CADM2: variants seen among roughly 807,000 people sequenced by gnomAD.
The protein encoded by CADM2 is cell adhesion molecule 2.
A neutral mutation model predicts 49.8 loss-of-function variants in CADM2; 12 were observed. The ratio of observed to expected loss-of-function variants is 0.24; its 90% CI spans 0.15 to 0.39. The LOEUF (loss-of-function observed/expected upper bound fraction) is 0.39, where lower values mean the gene tolerates loss of function less well. Among genes scored for constraint, CADM2 ranks in the 10% least tolerant of loss-of-function variants. The pLI, the probability that CADM2 is intolerant of heterozygous loss-of-function variation, is 1.00. For missense variants in CADM2, 378 were observed against 492.3 expected, an observed-to-expected ratio of 0.77 and a Z score of 2.20; for synonymous variants, 214 against 175.4, an observed-to-expected ratio of 1.22 and a Z score of -1.74.
intron 1 of CADM2, among the ~76,000 whole-genome samples, chr3:85,237,377 T>A (rs891026341): frequency 3.3e-5 from 5 of 152,034 alleles, no homozygotes; most frequent in African/African-American, 1.2e-4. Context: ...AAAAAATACC[T>A]AATTTAATCA....
intron 1 of CADM2, among the ~76,000 whole-genome samples, chr3:85,231,303 C>T (rs569516243): frequency 2.4e-4 from 36 of 152,082 alleles, no homozygotes; most frequent in Admixed American, 2.0e-3. Flanking sequence ...GAGGATGAAG[C>T]TTTGTAGTGA....
At chr3:85,888,696 G>A (rs1683147817) in intron 5 of CADM2, among the ~76,000 whole-genome samples, 2 of 152,118 alleles carry the variant, frequency 1.3e-5, no homozygotes, top group East Asian at 3.9e-4. Context: ...AACTTTCTGA[G>A]TGGCATATAT....
At chr3:85,539,397 G>T (rs62252517) in intron 1 of CADM2, among the ~76,000 whole-genome samples, 12,469 of 152,042 alleles carry the variant, frequency 0.082, 694 homozygotes, top group South Asian at 0.17. Flanking sequence ...CGAAGCATTT[G>T]AAGTTTTCAG....
In CADM2 at chr3:85,541,775, T is replaced by TATATATA. The variant is rs1559897737; in HGVS notation, c.62-184747_62-184746insATATATA. 9.1e-5 allele frequency among the ~76,000 whole-genome samples: 8 copies of TATATATA among 88,308 alleles called. 1 individual carries two copies. In the South Asian group the frequency reaches 1.1e-3, roughly 12 times the overall value. The allele number at this position is 88,308 out of a possible 152,430, so 57.9% of individuals were successfully genotyped here. A position where few individuals can be genotyped will look rare whatever the true frequency, so the allele number is the denominator to read the frequency against. On this transcript the variant is annotated intron_variant, in intron 1 of 9. Transcript: ENST00000383699. The stretch of plus-strand genomic sequence containing the variant: ...ATATTTTATATATATATTTTATATT[T>TATATATA]TATATATATATATATATATGTATAG...
intron 1 of CADM2, among the ~76,000 whole-genome samples, chr3:85,170,901 T>C (rs1376013054): frequency 6.6e-6 from 1 of 152,184 alleles, no homozygotes; most frequent in Non-Finnish European, 1.5e-5. Flanking sequence ...TAAACCTGTT[T>C]TGTTTGATGA....
At chr3:85,009,585 G>T (rs919738825) in intron 1 of CADM2, among the ~76,000 whole-genome samples, 2 of 151,876 alleles carry the variant, frequency 1.3e-5, no homozygotes, top group African/African-American at 4.8e-5. Flanking sequence ...ATGTAGTTTG[G>T]CCGAGCTCAG....
At chr3:85,236,133 G>A (rs2042402269) in intron 1 of CADM2, among the ~76,000 whole-genome samples, 1 of 151,940 alleles carries the variant, frequency 6.6e-6, no homozygotes, top group East Asian at 1.9e-4. Flanking sequence ...TACTTCTCAC[G>A]GTTGCCCCAG....
At chr3:85,794,390 A>G (rs1559661788) in intron 2 of CADM2, among the ~76,000 whole-genome samples, 1 of 152,192 alleles carries the variant, frequency 6.6e-6, no homozygotes, top group Non-Finnish European at 1.5e-5. Context: ...ACTATCCAAT[A>G]TGGTAAACAG....
chr3:85,883,232 T>G (rs1172224410), intron 3 of CADM2, 59 bp from the exon 4 acceptor site: 1 of 1,414,008 alleles, frequency 7.1e-7, no homozygotes, highest in African/African-American at 1.4e-5. Flanking sequence ...ATATATAGTC[T>G]AAAAATACTG....
At chr3:85,186,586 A>G (rs930151346) in intron 1 of CADM2, among the ~76,000 whole-genome samples, 28 of 152,076 alleles carry the variant, frequency 1.8e-4, no homozygotes, top group African/African-American at 6.5e-4. Flanking sequence ...AATATAGCAC[A>G]ATTGAAATTT....
At chr3:85,019,561 A>T (rs2034406281) in intron 1 of CADM2, among the ~76,000 whole-genome samples, 1 of 152,148 alleles carries the variant, frequency 6.6e-6, no homozygotes, top group African/African-American at 2.4e-5. Flanking sequence ...TGGCCACTCT[A>T]ACTAACACTG....
chr3:85,483,635 T>C lies in CADM2; in HGVS notation c.62-242887T>C, dbSNP rs962907474. On this transcript the variant is annotated intron_variant, in intron 1 of 9. Coordinates refer to ENST00000383699, the MANE Select transcript of CADM2 (RefSeq NM_001167675.2). ...TATAATGAGTATAGTATTTATGTAG[T>C]CAAGTTATATATATGTAATATATAT... Among the ~76,000 whole-genome samples, 6 of 150,322 alleles carry C rather than the reference T, an allele frequency of 4.0e-5. No homozygotes were observed. In the East Asian group the frequency reaches 1.2e-3, roughly 29 times the overall value.
At chr3:85,745,900 C>A (rs558255557) in intron 2 of CADM2, among the ~76,000 whole-genome samples, 9 of 151,668 alleles carry the variant, frequency 5.9e-5, no homozygotes, top group Non-Finnish European at 1.2e-4. Context: ...TTCTTGTTTT[C>A]TCCATGGTCC....
Position 86,065,618 on chromosome 3 carries a change from G to A in CADM2, c.984G>A (p.Leu328=). The A allele has an allele frequency of 6.2e-7, 1 of 1,612,676 alleles. No individual in the cohort carries two copies. Among genetic ancestry groups the A allele is most frequent in the Non-Finnish European group, 8.5e-7 (1 of 1,179,510 alleles). The change falls in exon 9 of 10, where the codon TTG becomes TTA. Residue 328 remains leucine (L), a synonymous_variant. Coordinates refer to ENST00000383699, the MANE Select transcript of CADM2 (RefSeq NM_001167675.2). ...YVLIVHDPNA[L]AGQNGPDHAL... is the part of the protein sequence containing the mutation. ...TGTCTTTTCCAGATCCTAATGCTTT[G>A]GCTGGCCAGAATGGCCCTGACCATG...
At chr3:85,909,547 G>A (rs1717283714) in intron 5 of CADM2, among the ~76,000 whole-genome samples, 1 of 152,096 alleles carries the variant, frequency 6.6e-6, no homozygotes, top group South Asian at 2.1e-4. Flanking sequence ...AGTGTCAAAT[G>A]TTTGCACTGT....
chr3:85,183,240 A>G (rs2040978239), intron 1 of CADM2, among the ~76,000 whole-genome samples: 1 of 152,164 alleles, frequency 6.6e-6, no homozygotes, highest in Admixed American at 6.6e-5. Flanking sequence ...CAATGAATGC[A>G]GTTTTATTTT....
intron 1 of CADM2, among the ~76,000 whole-genome samples, chr3:85,236,311 G>A (rs2042406749): frequency 1.3e-5 from 2 of 151,806 alleles, no homozygotes; most frequent in African/African-American, 4.8e-5. Flanking sequence ...TATCATTTTT[G>A]TGTAATAGCA....
At chr3:85,070,988 C>CAATAAATA (rs375122307) in intron 1 of CADM2, among the ~76,000 whole-genome samples, 13,497 of 143,202 alleles carry the variant, frequency 0.094, 733 homozygotes, top group Admixed American at 0.15. Flanking sequence ...AACTCTGTCT[C>CAATAAATA]AATAAATAAA....
intron 1 of CADM2, among the ~76,000 whole-genome samples, chr3:85,422,823 A>G (rs187198130): frequency 4.0e-5 from 6 of 151,700 alleles, no homozygotes; most frequent in African/African-American, 1.4e-4. Context: ...AGCTGGGGCG[A>G]GCGCTTTGGG....
Sources: gnomAD v4.1 joint callset for allele counts (sites outside exome capture counted in the v4.1 genomes callset) on GRCh38, gnomAD v4.1.1 for gene constraint, MANE v1.5 for transcripts, NCBI Gene and HGNC (gene_info 2026-07-23, HGNC 2026-07-21) for gene names.